The following KCNA2 variants were observed in gnomAD, a reference collection of about 807,000 sequenced individuals.
KCNA2 encodes the protein potassium channel, voltage gated shaker related subfamily A, member 2.
A neutral mutation model predicts 33.4 loss-of-function variants in KCNA2; 11 were observed. The observed-to-expected ratio is 0.33, with a 90% CI of 0.21 to 0.55. The LOEUF is 0.55. Ranked by LOEUF, KCNA2 falls within the 20% of genes least tolerant of loss-of-function variation. The probability of loss-of-function intolerance (pLI) is 0.93; values close to 1 mark genes in which losing one functional copy is unlikely to be tolerated. For synonymous variants in KCNA2, 222 were observed against 231.3 expected (o/e 0.96, Z 0.37); for missense variants, 291 against 621.6 (o/e 0.47, Z 5.66).
rs1164692909 is a variant in KCNA2, at chr1:110,602,315, T to C, written c.*968A>G. On this transcript the variant is annotated 3_prime_UTR_variant, in exon 3 of 3. Transcript: ENST00000316361. ...TAGTTCAAGACCATTCCAAGCCTAT[T>C]AATACTCTAAATATTAACACTGTGT... is the stretch of plus-strand genomic sequence containing the variant. The C allele has an allele frequency of 4.1e-6, 6 of 1,448,406 alleles. No homozygotes were observed. The Admixed American group carries it at 8.2e-5, about 20-fold the overall frequency. The allele number at this position is 1,448,406 out of a possible 1,614,324, so 89.7% of individuals were successfully genotyped here.
chr1:110,604,940 G>T lies in KCNA2; in HGVS notation c.-158C>A. ...CTCTGAGAGCTGGAGAGACAGCCTCGCTTGGCTGAAAGACAGAGGCAGTTA... is the reference window on the plus strand; with the variant it reads ...CTCTGAGAGCTGGAGAGACAGCCTCTCTTGGCTGAAAGACAGAGGCAGTTA... On this transcript the variant is annotated 5_prime_UTR_variant, in exon 3 of 3. Coordinates refer to ENST00000316361, the MANE Select transcript of KCNA2 (RefSeq NM_004974.4). The surrounding 1 kb of genome is among the most constrained non-coding windows in gnomAD (Gnocchi z 7.6). 1 of 683,910 alleles carries T rather than the reference G, an allele frequency of 1.5e-6. No individual in the cohort carries two copies. 42.4% of individuals were successfully genotyped at this position (683,910 alleles called of 1,614,324 possible). A position where few individuals can be genotyped will look rare whatever the true frequency, so the allele number is the denominator to read the frequency against.
chr1:110,626,775 A>G (rs1023673966), intron 1 of KCNA2, among the ~76,000 whole-genome samples: 1 of 152,154 alleles, frequency 6.6e-6, no homozygotes, highest in Non-Finnish European at 1.5e-5. Flanking sequence ...AGCCTCAGGC[A>G]CCAGCCAGAC....
Position 110,602,187 on chromosome 1 carries a change from G to A in KCNA2, c.*1096C>T. On this transcript the variant is annotated 3_prime_UTR_variant, in exon 3 of 3. Transcript: ENST00000316361. ...TCTGCGTTCCTGTTTAGAAGAACAG[G>A]GATAGGTAGGCTGGGGGGCCAGAAG... The A allele has an allele frequency of 6.5e-7, 1 of 1,550,010 alleles. No individual in the cohort carries two copies.
At position 110,603,637 on chromosome 1, in the gene KCNA2, C is replaced by T. The variant is rs370714935; in HGVS notation, c.1146G>A (p.Pro382=). Residue 382 remains proline, a synonymous_variant, in exon 3 of 3, where the codon CCG becomes CCA. Transcript: ENST00000316361. The surrounding 1 kb of genome is among the most constrained non-coding windows in gnomAD (Gnocchi z 5.7). ...CCACTATCTTTCCCCCAATGGTAGT[C>T]GGAACCATGTCTCCATAGCCTACAG... ...MTTVGYGDMV[P]TTIGGKIVGS... is the part of the protein sequence containing the mutation. 109 of 1,614,076 alleles carry T rather than the reference C, an allele frequency of 6.8e-5. No homozygotes were observed. Among genetic ancestry groups the T allele is most frequent in the African/African-American group, 1.6e-4 (12 of 75,008 alleles).
chr1:110,600,192 C>T lies in KCNA2; in HGVS notation c.*3091G>A, dbSNP rs1649276710. ...CAGGGCAATGGGTCTGAGTATATGTCTGCATTTCATGTGTATTGTGCGATA... is the reference window on the plus strand; with the variant it reads ...CAGGGCAATGGGTCTGAGTATATGTTTGCATTTCATGTGTATTGTGCGATA... On this transcript the variant is annotated 3_prime_UTR_variant, in exon 3 of 3. Coordinates refer to ENST00000316361, the MANE Select transcript of KCNA2 (RefSeq NM_004974.4). The T allele has an allele frequency of 1.0e-6, 1 of 982,784 alleles. No individual in the cohort carries two copies. 60.9% of individuals were successfully genotyped at this position (982,784 alleles called of 1,614,324 possible). A position where few individuals can be genotyped will look rare whatever the true frequency, so the allele number is the denominator to read the frequency against.
rs567558342 is a variant in KCNA2 at position 110,593,995 on chromosome 1, C to T, written c.*9288G>A. Reference sequence around the variant, plus strand: ...ACTCCCATGAGTCTTCCCCGCAAGTCCTGCTCCGCCTTCAGCTCTCATTGG... The same window carrying T: ...ACTCCCATGAGTCTTCCCCGCAAGTTCTGCTCCGCCTTCAGCTCTCATTGG... On this transcript the variant is annotated 3_prime_UTR_variant, in exon 3 of 3. Transcript: ENST00000316361. 155 of 1,545,986 alleles carry T rather than the reference C, an allele frequency of 1.0e-4. 4 individuals are homozygous for T. The Admixed American group carries it at 2.5e-3, about 24-fold the overall frequency.
chr1:110,601,603 G>A lies in KCNA2; in HGVS notation c.*1680C>T, dbSNP rs1570750499. Reference sequence around the variant, plus strand: ...GGAACTGAAGCTGCAGCACATGGAGGGCAGAAAGACAATTCTAACGTCTAG... The same window carrying A: ...GGAACTGAAGCTGCAGCACATGGAGAGCAGAAAGACAATTCTAACGTCTAG... On this transcript the variant is annotated 3_prime_UTR_variant, in exon 3 of 3. Transcript: ENST00000316361. 1.9e-5 allele frequency: 19 copies of A among 994,714 alleles called. No homozygotes were observed. Among genetic ancestry groups the A allele is most frequent in the Non-Finnish European group, 2.3e-5 (19 of 836,270 alleles). 61.6% of individuals were successfully genotyped at this position (994,714 alleles called of 1,614,324 possible).
In KCNA2 at chr1:110,594,034, A is replaced by T; in HGVS notation, c.*9249T>A. The stretch of plus-strand genomic sequence containing the variant: ...AGCTCTCATTGGTCCCCAGCCTCTT[A>T]TCACCATGGAGACCCCAGTTCCCTT... On this transcript the variant is annotated 3_prime_UTR_variant, in exon 3 of 3. Transcript: ENST00000316361. 6.6e-7 allele frequency: 1 copy of T among 1,526,542 alleles called. No homozygotes were observed. The highest frequency in any genetic ancestry group is 1.3e-5 in the South Asian group (1 of 79,286). The allele number at this position is 1,526,542 out of a possible 1,614,324, so 94.6% of individuals were successfully genotyped here.
At position 110,600,165 on chromosome 1, in the gene KCNA2, G is replaced by A. The variant is rs1432856452; in HGVS notation, c.*3118C>T. On this transcript the variant is annotated 3_prime_UTR_variant, in exon 3 of 3. Transcript: ENST00000316361. ...GTGCCTGTTAATTCATAGCTCTGGG[G>A]GCAGGGCAATGGGTCTGAGTATATG... is the stretch of plus-strand genomic sequence containing the variant. The A allele has an allele frequency of 3.0e-6, 3 of 983,806 alleles. No individual in the cohort carries two copies. In the African/African-American group the frequency reaches 5.3e-5, roughly 17 times the overall value. 60.9% of individuals were successfully genotyped at this position (983,806 alleles called of 1,614,324 possible). A position where few individuals can be genotyped will look rare whatever the true frequency, so the allele number is the denominator to read the frequency against.
rs3050013 is a variant in KCNA2 at position 110,620,053 on chromosome 1, CGAGAGAGAGA to C, written c.-496+11332_-496+11341del. Among the ~76,000 whole-genome samples, 70 of 126,834 alleles carry C rather than the reference CGAGAGAGAGA, an allele frequency of 5.5e-4. No homozygotes were observed. The South Asian group carries it at 5.7e-3, about 10-fold the overall frequency. The allele number at this position is 126,834 out of a possible 152,430, so 83.2% of individuals were successfully genotyped here. On this transcript the variant is annotated intron_variant, in intron 1 of 4. Coordinates refer to the KCNA2 transcript ENST00000369770. ...CTTAATGAGAGAGAGAGAGCGAGAG[CGAGAGAGAGA>C]GAGAGAGAGAGAGAGAGAGAGAGAG...
chr1:110,619,446 G>GC (rs1298444288), intron 1 of KCNA2, among the ~76,000 whole-genome samples: 1 of 152,224 alleles, frequency 6.6e-6, no homozygotes, highest in Non-Finnish European at 1.5e-5. Flanking sequence ...TGTAAAGGAG[G>GC]CCCCTCCTAC....
upstream of KCNA2, among the ~76,000 whole-genome samples, chr1:110,611,027 A>G (rs1220132869): frequency 9.5e-6 from 1 of 104,728 alleles, no homozygotes; most frequent in Non-Finnish European, 1.8e-5. Context: ...TGAGGAAGGA[A>G]GGAAGGAAGG....
In KCNA2 at chr1:110,604,651, A is replaced by G; in HGVS notation, c.132T>C (p.Phe44=). The G allele has an allele frequency of 6.2e-7, 1 of 1,614,182 alleles. No homozygotes were observed. The highest frequency in any genetic ancestry group is 8.5e-7 in the Non-Finnish European group (1 of 1,180,036). Reference sequence around the variant, plus strand: ...GGGCTAAGGTCTTTAGCTGGGTCTCAAACCGCAGCCCTGAGATGTTGATCA... The same window carrying G: ...GGGCTAAGGTCTTTAGCTGGGTCTCGAACCGCAGCCCTGAGATGTTGATCA... ...RVVINISGLR[F]ETQLKTLAQF... The change falls in exon 3 of 3, where the codon TTT becomes TTC. Residue 44 remains phenylalanine, a synonymous_variant. Transcript: ENST00000316361. The surrounding 1 kb of genome is among the most constrained non-coding windows in gnomAD (Gnocchi z 7.6).
rs1649025109 is a variant in KCNA2 at position 110,594,769 on chromosome 1, A to G, written c.*8514T>C. 1.0e-6 allele frequency: 1 copy of G among 985,510 alleles called. No individual in the cohort carries two copies. The highest frequency in any genetic ancestry group is 1.2e-6 in the Non-Finnish European group (1 of 830,004). The allele number at this position is 985,510 out of a possible 1,614,324, so 61.0% of individuals were successfully genotyped here. ...AGGAGCTGAGACTCACCCCCGCCAAAGCCAGCCAGGCCTCTCTTCTTGCTT... is the reference window on the plus strand; with the variant it reads ...AGGAGCTGAGACTCACCCCCGCCAAGGCCAGCCAGGCCTCTCTTCTTGCTT... On this transcript the variant is annotated 3_prime_UTR_variant, in exon 3 of 3. Coordinates refer to ENST00000316361, the MANE Select transcript of KCNA2 (RefSeq NM_004974.4).
chr1:110,608,170 C>A (rs868147556), upstream of KCNA2: 2 of 152,300 alleles, frequency 1.3e-5, no homozygotes, highest in African/African-American at 4.8e-5. Flanking sequence ...GCTTACAGCA[C>A]CCTAGGTGGG....
At chr1:110,608,451 C>A (rs4561041), upstream of KCNA2, among the ~76,000 whole-genome samples, 5,993 of 152,312 alleles carry the variant, frequency 0.039, 155 homozygotes, top group Middle Eastern at 0.065. Flanking sequence ...GGCCCTCCCC[C>A]CTACCCTCCG....
At position 110,604,909 on chromosome 1, in the gene KCNA2, A is replaced by G; in HGVS notation, c.-127T>C. 1.2e-6 allele frequency: 1 copy of G among 861,488 alleles called. No homozygotes were observed. The highest frequency in any genetic ancestry group is 1.8e-6 in the Non-Finnish European group (1 of 545,262). 53.4% of individuals were successfully genotyped at this position (861,488 alleles called of 1,614,324 possible). ...CCTGGTCTCCTGCAGGAGAGCCCCGAGAGCTCTCTGAGAGCTGGAGAGACA... is the reference window on the plus strand; with the variant it reads ...CCTGGTCTCCTGCAGGAGAGCCCCGGGAGCTCTCTGAGAGCTGGAGAGACA... On this transcript the variant is annotated 5_prime_UTR_variant, in exon 3 of 3. Coordinates refer to ENST00000316361, the MANE Select transcript of KCNA2 (RefSeq NM_004974.4). The surrounding 1 kb of genome is among the most constrained non-coding windows in gnomAD (Gnocchi z 7.6).
intron 1 of KCNA2, among the ~76,000 whole-genome samples, chr1:110,617,779 G>A (rs554659177): frequency 5.9e-5 from 9 of 152,312 alleles, no homozygotes; most frequent in Non-Finnish European, 8.8e-5. Flanking sequence ...GGTGGTGTGC[G>A]AAGTGCATGT....
upstream of KCNA2, among the ~76,000 whole-genome samples, chr1:110,610,439 C>T (rs1649827222): frequency 6.6e-6 from 1 of 152,202 alleles, no homozygotes; most frequent in Admixed American, 6.5e-5. Flanking sequence ...CACTCACTCA[C>T]AGGTAGGCAG....
Sources: gnomAD v4.1 joint callset for allele counts (sites outside exome capture counted in the v4.1 genomes callset) on GRCh38, gnomAD v4.1.1 for gene constraint, Gnocchi (gnomAD v3.1) non-coding constraint, MANE v1.5 for transcripts, NCBI Gene and HGNC (gene_info 2026-07-23, HGNC 2026-07-21) for gene names.